EDAR: variants seen among roughly 807,000 people sequenced by gnomAD.
The protein encoded by EDAR is tumor necrosis factor receptor superfamily member EDAR.
In EDAR, 38 loss-of-function variants were observed where a neutral mutation model predicts 51.3. The ratio of observed to expected loss-of-function variants is 0.74; its 90% CI spans 0.57 to 0.97. The LOEUF is 0.97. Ranked by LOEUF, EDAR falls within the 50% of genes least tolerant of loss-of-function variation. EDAR has a pLI of 0.00. For synonymous variants in EDAR, 227 were observed against 242.1 expected, an observed-to-expected ratio of 0.94 and a Z score of 0.58; for missense variants, 528 against 595.0, an observed-to-expected ratio of 0.89 and a Z score of 1.17.
At chr2:108,965,629 G>C (rs1309323365) in intron 1 of EDAR, among the ~76,000 whole-genome samples, 3 of 151,998 alleles carry the variant, frequency 2.0e-5, no homozygotes, top group Non-Finnish European at 2.9e-5. Flanking sequence ...TTACCTTTGG[G>C]TGTCTGTATG....
At chr2:108,965,890 C>A (rs1490873519) in intron 1 of EDAR, among the ~76,000 whole-genome samples, 2 of 152,106 alleles carry the variant, frequency 1.3e-5, no homozygotes, top group Non-Finnish European at 2.9e-5. Flanking sequence ...CCTCTCCCCC[C>A]AGGCAAAGAA....
At chr2:108,927,893 C>A (rs888847608) in intron 4 of EDAR, among the ~76,000 whole-genome samples, 3 of 152,302 alleles carry the variant, frequency 2.0e-5, no homozygotes, top group South Asian at 2.1e-4. Context: ...ACCTGAGTAT[C>A]CTCTTCTGAA....
intron 1 of EDAR, among the ~76,000 whole-genome samples, chr2:108,968,890 CAT>C (rs1698192349): frequency 6.6e-6 from 1 of 152,214 alleles, no homozygotes; most frequent in Admixed American, 6.5e-5. Flanking sequence ...GGTAGGGTTA[CAT>C]GTTAGCTTGC....
At chr2:108,910,690 A>C in intron 8 of EDAR, 86 bp downstream of exon 8, 1 of 1,504,912 alleles carries the variant, frequency 6.6e-7, no homozygotes, top group Non-Finnish European at 9.2e-7. Flanking sequence ...TGAGAGCAGA[A>C]GCAGCGAGGA....
chr2:108,941,344 G>C (rs1697590519), intron 1 of EDAR, among the ~76,000 whole-genome samples: 1 of 152,156 alleles, frequency 6.6e-6, no homozygotes, highest in African/African-American at 2.4e-5. Flanking sequence ...CGTGAGGCAG[G>C]TTCCCAAAGG....
At chr2:108,918,348 G>A (rs115724967) in intron 5 of EDAR, among the ~76,000 whole-genome samples, 109 of 152,274 alleles carry the variant, frequency 7.2e-4, no homozygotes, top group African/African-American at 2.5e-3. Flanking sequence ...GTTTCACCCC[G>A]GTCCACTGTG....
intron 1 of EDAR, among the ~76,000 whole-genome samples, chr2:108,984,793 C>T (rs1191433308): frequency 6.6e-6 from 1 of 152,128 alleles, no homozygotes; most frequent in Non-Finnish European, 1.5e-5. Flanking sequence ...ACCCATGGGA[C>T]CACTGTGTTA....
intron 1 of EDAR, among the ~76,000 whole-genome samples, chr2:108,946,723 C>A (rs1697720308): frequency 6.6e-6 from 1 of 152,162 alleles, no homozygotes; most frequent in South Asian, 2.1e-4. Context: ...ACAACCAGAT[C>A]TCATGAGAAC....
chr2:108,972,069 C>A (rs1212731488), intron 1 of EDAR, among the ~76,000 whole-genome samples: 1 of 152,216 alleles, frequency 6.6e-6, no homozygotes, highest in Non-Finnish European at 1.5e-5. Context: ...TGCAGCCCAG[C>A]CGACTGCAGC....
chr2:108,936,525 C>T (rs531060164), intron 1 of EDAR, among the ~76,000 whole-genome samples: 5 of 152,282 alleles, frequency 3.3e-5, no homozygotes, highest in African/African-American at 9.6e-5. Context: ...CGGCCTCCCA[C>T]GCTCTCCTTC....
At chr2:108,975,854 A>G (rs1299147368) in intron 1 of EDAR, among the ~76,000 whole-genome samples, 1 of 152,074 alleles carries the variant, frequency 6.6e-6, no homozygotes, top group African/African-American at 2.4e-5. Flanking sequence ...CAACTGCTGG[A>G]CGGCGTTCTG....
At chr2:108,910,713 G>A in intron 8 of EDAR, 63 bp downstream of exon 8, 6 of 1,581,812 alleles carry the variant, frequency 3.8e-6, no homozygotes, top group Non-Finnish European at 5.2e-6. Flanking sequence ...CTGCTTCTGG[G>A]AACGCCCTCC....
chr2:108,955,516 G>A (rs1697905264), intron 1 of EDAR, among the ~76,000 whole-genome samples: 1 of 152,158 alleles, frequency 6.6e-6, no homozygotes, highest in Non-Finnish European at 1.5e-5. Flanking sequence ...GGGAGGCCGT[G>A]GTGGGCAGAT....
At chr2:108,921,566 G>T (rs1000962043) in intron 5 of EDAR, among the ~76,000 whole-genome samples, 4 of 152,226 alleles carry the variant, frequency 2.6e-5, no homozygotes, top group Non-Finnish European at 5.9e-5. Flanking sequence ...AATGTTTGCT[G>T]CCCAGAGTGG....
intron 1 of EDAR, among the ~76,000 whole-genome samples, chr2:108,982,520 G>A (rs530552732): frequency 9.2e-5 from 14 of 152,324 alleles, no homozygotes; most frequent in African/African-American, 3.1e-4. Context: ...ACTTCATTTT[G>A]CAATCTTCAC....
intron 4 of EDAR, among the ~76,000 whole-genome samples, chr2:108,927,502 T>C (rs774696913): frequency 1.4e-4 from 22 of 152,168 alleles, no homozygotes; most frequent in Non-Finnish European, 2.6e-4. Flanking sequence ...CTTCAGGCCA[T>C]AGAGTCAGCC....
Position 108,896,655 on chromosome 2 carries a change from A to ATGAG in EDAR, c.*248_*251dup, listed in dbSNP as rs1696598574. 1.9e-6 allele frequency: 1 copy of ATGAG among 519,480 alleles called. No homozygotes were observed. Among genetic ancestry groups the ATGAG allele is most frequent in the East Asian group, 3.1e-5 (1 of 31,946 alleles). 32.2% of individuals were successfully genotyped at this position (519,480 alleles called of 1,614,324 possible). A position where few individuals can be genotyped will look rare whatever the true frequency, so the allele number is the denominator to read the frequency against. ...AATGGTGGGCTGGTGGGCTGGCTGT[A>ATGAG]TGAGTGAGTAGATATTTACTCTGCC... On this transcript the variant is annotated 3_prime_UTR_variant, in exon 12 of 12. Transcript: ENST00000258443.
At chr2:108,958,523 G>C (rs547766534) in intron 1 of EDAR, among the ~76,000 whole-genome samples, 101 of 152,282 alleles carry the variant, frequency 6.6e-4, no homozygotes, top group Non-Finnish European at 1.2e-3. Flanking sequence ...GAACAGGGGG[G>C]CATGGCAAGA....
At chr2:108,910,752 G>T (rs188529241) in intron 8 of EDAR, 24 bp downstream of exon 8, 9 of 1,611,628 alleles carry the variant, frequency 5.6e-6, no homozygotes, top group Non-Finnish European at 6.8e-6. Context: ...TGCACATGGT[G>T]TGTGGAAGCC....
Sources: allele counts gnomAD v4.1 joint callset (sites outside exome capture counted in the v4.1 genomes callset), GRCh38; gene constraint gnomAD v4.1.1; transcripts MANE v1.5; gene names NCBI Gene and HGNC (gene_info 2026-07-23, HGNC 2026-07-21).